Variants in PRCD observed in about 807,000 individuals in gnomAD.
PRCD encodes the protein photoreceptor disk component PRCD.
Under a neutral mutation model 10.1 loss-of-function variants are expected in PRCD, and 12 were observed. That is an observed-to-expected ratio of 1.18 (90% CI 0.76 to 1.92). PRCD has a LOEUF of 1.92. PRCD is among the 40% of genes most tolerant of loss of function. PRCD has a pLI of 0.00. For missense variants in PRCD, 61 were observed against 72.2 expected, an observed-to-expected ratio of 0.84 and a Z score of 0.56; for synonymous variants, 31 against 26.2, an observed-to-expected ratio of 1.18 and a Z score of -0.56.
chr17:76,540,382 A>G lies in PRCD; in HGVS notation c.75-123A>G, dbSNP rs2074976475. The G allele has an allele frequency of 1.5e-6, 2 of 1,311,198 alleles. No homozygotes were observed. The highest frequency in any genetic ancestry group is 1.7e-5 in the Admixed American group (1 of 57,366). The allele number at this position is 1,311,198 out of a possible 1,614,324, so 81.2% of individuals were successfully genotyped here. A position where few individuals can be genotyped will look rare whatever the true frequency, so the allele number is the denominator to read the frequency against. ...GCACAGTCTCAGAGCAGGGGGACTTAGAGCTTCAAAGGCTCTAGTTGCAGC... is the reference window on the plus strand; with the variant it reads ...GCACAGTCTCAGAGCAGGGGGACTTGGAGCTTCAAAGGCTCTAGTTGCAGC... On this transcript the variant is annotated intron_variant, in intron 1 of 4. Coordinates refer to ENST00000592014, the MANE Select transcript of PRCD (RefSeq NM_001077620.3). This position sits in a 1 kb window ranked among gnomAD's most constrained non-coding sequence, Gnocchi z 5.0.
At chr17:76,541,405 A>G (rs2074992210) in intron 2 of PRCD, among the ~76,000 whole-genome samples, 1 of 152,208 alleles carries the variant, frequency 6.6e-6, no homozygotes, top group Non-Finnish European at 1.5e-5. Flanking sequence ...GTGTCTCCAC[A>G]CAGGGAAGAC....
rs8176324 is a variant in PRCD at position 76,540,255 on chromosome 17, G to C, written c.74+40G>C. ...GGGCTATGGCTGGCGGTTGGTCGGGGGGGGGGGGCATGGGGCTGGGCTGCC... is the reference window on the plus strand; with the variant it reads ...GGGCTATGGCTGGCGGTTGGTCGGGCGGGGGGGGCATGGGGCTGGGCTGCC... On this transcript the variant is annotated intron_variant, in intron 1 of 4. Transcript: ENST00000592014. The surrounding 1 kb of genome is among the most constrained non-coding windows in gnomAD (Gnocchi z 5.0). 0.18 allele frequency: 194,902 copies of C among 1,095,374 alleles called. 38,722 individuals carry two copies. The highest frequency in any genetic ancestry group is 0.34 in the East Asian group (12,964 of 38,608). The allele number at this position is 1,095,374 out of a possible 1,614,324, so 67.9% of individuals were successfully genotyped here.
At chr17:76,543,639 C>T (rs1048276993) in intron 4 of PRCD, among the ~76,000 whole-genome samples, 164 bp from the exon 5 acceptor site, 2 of 152,232 alleles carry the variant, frequency 1.3e-5, no homozygotes, top group Admixed American at 1.3e-4. Flanking sequence ...CAGGCGGCCT[C>T]CCCCTGGAAC....
At chr17:76,548,664 T>C (rs16969019), downstream of PRCD, among the ~76,000 whole-genome samples, 10,270 of 152,220 alleles carry the variant, frequency 0.067, 1,093 homozygotes, top group African/African-American at 0.23. Flanking sequence ...AACAGTTTAG[T>C]AAAATGAAGG....
upstream of PRCD, chr17:76,527,670 G>A (rs1000308964): frequency 2.2e-6 from 1 of 453,978 alleles, no homozygotes; most frequent in East Asian, 7.0e-5. Context: ...ACCCAGGCAT[G>A]TGGTCCCGCC....
rs749307328 is a variant in PRCD at position 76,540,593 on chromosome 17, T to C, written c.143+20T>C. Reference sequence around the variant, plus strand: ...AGGCAGGTAAGGCAGGAGTCTGGGCTGGGGGAGGGAGGGTGCTGCCAAGGA... The same window carrying C: ...AGGCAGGTAAGGCAGGAGTCTGGGCCGGGGGAGGGAGGGTGCTGCCAAGGA... On this transcript the variant is annotated intron_variant, in intron 2 of 4. Coordinates refer to ENST00000592014, the MANE Select transcript of PRCD (RefSeq NM_001077620.3). The surrounding 1 kb of genome is among the most constrained non-coding windows in gnomAD (Gnocchi z 5.0). The C allele has an allele frequency of 1.2e-6, 2 of 1,611,708 alleles. No homozygotes were observed. Among genetic ancestry groups the C allele is most frequent in the Admixed American group, 1.7e-5 (1 of 59,990 alleles).
downstream of PRCD, among the ~76,000 whole-genome samples, chr17:76,548,241 TAC>T (rs376994644): frequency 3.3e-5 from 5 of 151,406 alleles, no homozygotes; most frequent in East Asian, 1.9e-4. Context: ...AGCATACACA[TAC>T]ACACAGTCAC....
rs114517086 is a variant in PRCD, at chr17:76,530,340, C to T, written n.45+2507C>T. 0.026 allele frequency among the ~76,000 whole-genome samples: 4,009 copies of T among 152,186 alleles called. 178 individuals are homozygous for T. The highest frequency in any genetic ancestry group is 0.088 in the African/African-American group (3,654 of 41,502). ...TCACGCTCCGAGTCAGCAGGAGTCA[C>T]AGAGGGCGGCCACCCTCCTTGAGCC... On this transcript the variant is annotated intron_variant and non_coding_transcript_variant, in intron 1 of 4. Transcript: ENST00000397633. This position sits in a 1 kb window ranked among gnomAD's most constrained non-coding sequence, Gnocchi z 6.1.
chr17:76,539,652 G>C (rs1395215892), upstream of PRCD, among the ~76,000 whole-genome samples: 10 of 152,146 alleles, frequency 6.6e-5, no homozygotes, highest in Non-Finnish European at 1.5e-5. Context: ...ATGCTTTCAT[G>C]TCAGTAGCTT....
chr17:76,548,241 TACAC>T (rs376994644), downstream of PRCD, among the ~76,000 whole-genome samples: 307 of 151,522 alleles, frequency 2.0e-3, 2 homozygotes, highest in African/African-American at 7.2e-3. Context: ...AGCATACACA[TACAC>T]ACAGTCACAC....
At chr17:76,527,656 T>C (rs540004705), upstream of PRCD, 17 of 453,556 alleles carry the variant, frequency 3.7e-5, no homozygotes, top group African/African-American at 3.0e-4. Context: ...GAGCTGAGGG[T>C]GAGACCCAGG....
In PRCD at chr17:76,540,818, C is replaced by T. The variant is rs935063942; in HGVS notation, c.143+245C>T. Among the ~76,000 whole-genome samples the T allele has an allele frequency of 3.3e-5, 5 of 152,324 alleles. No individual in the cohort carries two copies. Among genetic ancestry groups the T allele is most frequent in the Admixed American group, 6.5e-5 (1 of 15,306 alleles). On this transcript the variant is annotated intron_variant, in intron 2 of 4. Transcript: ENST00000592014. The surrounding 1 kb of genome is among the most constrained non-coding windows in gnomAD (Gnocchi z 5.0). ...GCCGCTGTGCCTCTCATCTCCAGCA[C>T]GGGGCGGTCCCCCGGGGCACCTTCT...
downstream of PRCD, chr17:76,547,209 C>T (rs1489006760): frequency 6.6e-6 from 1 of 152,254 alleles, no homozygotes; most frequent in Non-Finnish European, 1.5e-5. Flanking sequence ...ACCCCTCAGT[C>T]TTCCTCAGGA....
Position 76,530,948 on chromosome 17 carries a change from C to G in PRCD, n.45+3115C>G, listed in dbSNP as rs2074830260. On this transcript the variant is annotated intron_variant and non_coding_transcript_variant, in intron 1 of 4. Transcript: ENST00000397633. The surrounding 1 kb of genome is among the most constrained non-coding windows in gnomAD (Gnocchi z 6.1). ...GACAGCAGAGGACATGGCGGGGAGG[C>G]TGCCCAGCCCACCCTCGCCCGCCTC... 6.5e-7 allele frequency: 1 copy of G among 1,533,942 alleles called. No individual in the cohort carries two copies. The highest frequency in any genetic ancestry group is 1.2e-5 in the South Asian group (1 of 81,942).
intron 4 of PRCD, 21 bp from the exon 5 acceptor site, chr17:76,543,782 G>A: frequency 2.1e-6 from 1 of 470,698 alleles, no homozygotes; most frequent in Non-Finnish European, 4.4e-6. Context: ...ACTCGCTTTT[G>A]TGTCATTTGC....
rs372084413 is a variant in PRCD, at chr17:76,540,515, G to T, written c.85G>T (p.Asp29Tyr). The change falls in exon 2 of 5, where the codon GAC (aspartate) becomes TAC (tyrosine). Residue 29 changes from aspartate (D) to tyrosine (Y), a missense_variant. Transcript: ENST00000592014. This position sits in a 1 kb window ranked among gnomAD's most constrained non-coding sequence, Gnocchi z 5.0. ...TCTTGCCTCCCACAGAGAGCCCAGC[G>T]ACGTGGATGGGGCAGCTAGGGGCAG... ...FANRVQPEPS[D>Y]VDGAARGSSL... 1 of 1,613,696 alleles carries T rather than the reference G, an allele frequency of 6.2e-7. No individual in the cohort carries two copies. The highest frequency in any genetic ancestry group is 2.2e-5 in the East Asian group (1 of 44,874).
chr17:76,547,825 CACACACA>C (rs1250298502), downstream of PRCD, among the ~76,000 whole-genome samples: 1 of 140,524 alleles, frequency 7.1e-6, no homozygotes, highest in Non-Finnish European at 1.5e-5. Flanking sequence ...TTCACACACA[CACACACA>C]ACACACATTC....
In PRCD at chr17:76,540,216, G is replaced by A. The variant is rs779066277; in HGVS notation, c.74+1G>A. The A allele has an allele frequency of 8.6e-6, 13 of 1,509,794 alleles. No homozygotes were observed. The highest frequency in any genetic ancestry group is 2.6e-5 in the East Asian group (1 of 38,812). The allele number at this position is 1,509,794 out of a possible 1,614,324, so 93.5% of individuals were successfully genotyped here. A position where few individuals can be genotyped will look rare whatever the true frequency, so the allele number is the denominator to read the frequency against. On this transcript the variant is annotated splice_donor_variant, in intron 1 of 4. Transcript: ENST00000592014. LOFTEE classifies it high-confidence loss of function. This position sits in a 1 kb window ranked among gnomAD's most constrained non-coding sequence, Gnocchi z 5.0. Reference sequence around the variant, plus strand: ...GCCGATTTGCCAACCGAGTCCAACCGTGAGAAACTGACCGGGCTATGGCTG... The same window carrying A: ...GCCGATTTGCCAACCGAGTCCAACCATGAGAAACTGACCGGGCTATGGCTG...
At position 76,530,164 on chromosome 17, in the gene PRCD, C is replaced by T. The variant is rs556154521; in HGVS notation, n.45+2331C>T. On this transcript the variant is annotated intron_variant and non_coding_transcript_variant, in intron 1 of 4. Transcript: ENST00000397633. The surrounding 1 kb of genome is among the most constrained non-coding windows in gnomAD (Gnocchi z 6.1). The stretch of plus-strand genomic sequence containing the variant: ...CGCGTGTCCCGGGCTGCTGGCTGAC[C>T]TCTGCTTCCCATTCCCGCCTCCGCT... 1.1e-6 allele frequency: 1 copy of T among 888,526 alleles called. No individual in the cohort carries two copies. The highest frequency in any genetic ancestry group is 1.3e-6 in the Non-Finnish European group (1 of 741,440). The allele number at this position is 888,526 out of a possible 1,614,324, so 55.0% of individuals were successfully genotyped here.
Sources: allele counts gnomAD v4.1 joint callset (sites outside exome capture counted in the v4.1 genomes callset), GRCh38; gene constraint gnomAD v4.1.1; non-coding constraint Gnocchi (gnomAD v3.1); transcripts MANE v1.5; gene names NCBI Gene and HGNC (gene_info 2026-07-23, HGNC 2026-07-21).